Variants in NACC1 observed in about 807,000 individuals in gnomAD.
NACC1 encodes the protein nucleus accumbens associated 1, also known as nucleus accumbens-associated protein 1.
A neutral mutation model predicts 41.7 loss-of-function variants in NACC1; 6 were observed. The ratio of observed to expected loss-of-function variants is 0.14; its 90% CI spans 0.08 to 0.28. NACC1 has a LOEUF of 0.28. Among genes scored for constraint, NACC1 ranks in the 10% least tolerant of loss-of-function variants. The pLI is 1.00. For synonymous variants in NACC1, 338 were observed against 330.6 expected (o/e 1.02, Z -0.24); for missense variants, 434 against 763.7 (o/e 0.57, Z 5.09).
At chr19:13,125,249 T>A (rs2019547252) in intron 1 of NACC1, among the ~76,000 whole-genome samples, 2 of 152,106 alleles carry the variant, frequency 1.3e-5, no homozygotes, top group African/African-American at 4.8e-5. Flanking sequence ...ATCACGGTGC[T>A]AGCAGATTCC....
rs2019512567 is a variant in NACC1, at chr19:13,122,591, CAG to C, written c.-9+4138_-9+4139del. ...GCCAGGGATGCGGTTCAACATCAGA[CAG>C]TGTGTAGGGCAGCCCCCACCACAAA... On this transcript the variant is annotated intron_variant, in intron 1 of 5. Coordinates refer to ENST00000292431, the MANE Select transcript of NACC1 (RefSeq NM_052876.4). Among the ~76,000 whole-genome samples, 5 of 148,588 alleles carry C rather than the reference CAG, an allele frequency of 3.4e-5. 1 individual carries two copies. The South Asian group carries it at 1.0e-3, about 31-fold the overall frequency.
chr19:13,121,300 A>G (rs2019488702), intron 1 of NACC1, among the ~76,000 whole-genome samples: 1 of 152,020 alleles, frequency 6.6e-6, no homozygotes, highest in Non-Finnish European at 1.5e-5. Context: ...TGCTCTAAAC[A>G]TTTTGTCTTC....
At chr19:13,124,715 TAC>T (rs1273381435) in intron 1 of NACC1, among the ~76,000 whole-genome samples, 7 of 152,186 alleles carry the variant, frequency 4.6e-5, no homozygotes, top group African/African-American at 1.7e-4. Context: ...TGTTCCTTGT[TAC>T]ACTTGGAGTT....
chr19:13,136,330 A>G lies in NACC1; in HGVS notation c.1045A>G (p.Asn349Asp). The G allele has an allele frequency of 6.2e-7, 1 of 1,613,966 alleles. No homozygotes were observed. ...DLASLPAELINQIGNRCHPKL... is the reference protein window; with the variant it reads ...DLASLPAELIDQIGNRCHPKL... ...GGCGTCTCTCCCGGCTGAACTTATC[A>G]ACCAGATTGGGAACCGCTGCCACCC... The change falls in exon 3 of 6, where the codon AAC (asparagine) becomes GAC (aspartate). Residue 349 changes from asparagine to aspartate, a missense_variant. Transcript: ENST00000292431. This position sits in a 1 kb window ranked among gnomAD's most constrained non-coding sequence, Gnocchi z 5.5.
intron 1 of NACC1, among the ~76,000 whole-genome samples, chr19:13,133,066 A>T (rs1243113378): frequency 6.6e-6 from 1 of 152,126 alleles, no homozygotes; most frequent in African/African-American, 2.4e-5. Context: ...GGCAGATCTG[A>T]GTGGAGTTGC....
rs1181051421 is a variant in NACC1 at position 13,138,428 on chromosome 19, C to A, written c.*22C>A. The A allele has an allele frequency of 1.2e-6, 2 of 1,602,970 alleles. No homozygotes were observed. The highest frequency in any genetic ancestry group is 8.5e-7 in the Non-Finnish European group (1 of 1,178,178). ...GTAACCCGCCCAGCCTCCCGCGGGG[C>A]CACACACTTCCCCTCCCAACACACA... is the stretch of plus-strand genomic sequence containing the variant. On this transcript the variant is annotated 3_prime_UTR_variant, in exon 6 of 6. Transcript: ENST00000292431. The surrounding 1 kb of genome is among the most constrained non-coding windows in gnomAD (Gnocchi z 5.7).
intron 1 of NACC1, among the ~76,000 whole-genome samples, chr19:13,120,082 TCTG>T (rs2019469923): frequency 6.6e-6 from 1 of 152,144 alleles, no homozygotes; most frequent in Non-Finnish European, 1.5e-5. Context: ...GGCCTTCCCT[TCTG>T]CTCACCCCGG....
chr19:13,137,433 A>G lies in NACC1; in HGVS notation c.1227-45A>G. 1 of 1,605,514 alleles carries G rather than the reference A, an allele frequency of 6.2e-7. No individual in the cohort carries two copies. The highest frequency in any genetic ancestry group is 8.5e-7 in the Non-Finnish European group (1 of 1,173,438). ...GGTGGGGTTTCCCCATGTCCCCCCC[A>G]CCACCAACTTGAGCGCTGACTCCCT... On this transcript the variant is annotated intron_variant, in intron 4 of 5. Coordinates refer to ENST00000292431, the MANE Select transcript of NACC1 (RefSeq NM_052876.4). The surrounding 1 kb of genome is among the most constrained non-coding windows in gnomAD (Gnocchi z 6.1).
At chr19:13,134,144 C>T (rs543360530) in intron 1 of NACC1, among the ~76,000 whole-genome samples, 1 of 152,228 alleles carries the variant, frequency 6.6e-6, no homozygotes, top group African/African-American at 2.4e-5. Context: ...CAGCCTTGAC[C>T]TGGGCTCAAC....
At chr19:13,133,355 CA>C (rs1194181675) in intron 1 of NACC1, among the ~76,000 whole-genome samples, 180 of 140,730 alleles carry the variant, frequency 1.3e-3, no homozygotes, top group East Asian at 1.2e-3. Context: ...GACTCCATCT[CA>C]AAAAAAAAAA....
rs1345058370 is a variant in NACC1, at chr19:13,136,004, C to T, written c.797C>T (p.Thr266Ile). 1 of 1,613,316 alleles carries T rather than the reference C, an allele frequency of 6.2e-7. No individual in the cohort carries two copies. The highest frequency in any genetic ancestry group is 8.5e-7 in the Non-Finnish European group (1 of 1,179,798). Residue 266 changes from threonine (T) to isoleucine (I), a missense_variant, in exon 2 of 6, where the codon ACC (threonine) becomes ATC (isoleucine). Thr to Ile is a moderately conservative substitution (Grantham distance 89, BLOSUM62 -1). This residue lies in a region of NACC1 where 234 missense variants were observed against 308.3 expected (regional missense o/e 0.76). Transcript: ENST00000292431. This position sits in a 1 kb window ranked among gnomAD's most constrained non-coding sequence, Gnocchi z 5.5. ...ACGTCGGAGCGGACCAGCCCAGGCA[C>T]CTCAAGCGCCTACACCAGCGACAGC... Reference protein sequence around the residue: ...PSTSERTSPGTSSAYTSDSPG... With the variant: ...PSTSERTSPGISSAYTSDSPG...
At chr19:13,134,611 C>T (rs1349469576) in intron 1 of NACC1, among the ~76,000 whole-genome samples, 3 of 152,132 alleles carry the variant, frequency 2.0e-5, no homozygotes, top group Non-Finnish European at 4.4e-5. Flanking sequence ...TCAAGTGATC[C>T]GCCTGCCTCA....
intron 1 of NACC1, among the ~76,000 whole-genome samples, chr19:13,126,643 C>T (rs1284647989): frequency 6.6e-6 from 1 of 152,142 alleles, no homozygotes; most frequent in East Asian, 1.9e-4. Context: ...TCAGGTAACA[C>T]TGCGGTCTCA....
chr19:13,138,125 C>T lies in NACC1; in HGVS notation c.1325-22C>T, dbSNP rs374058040. ...GAGTCACCTGGCCCCCGTGCCAAGG[C>T]CGCACCCACCCTGCCCCACAGACTA... On this transcript the variant is annotated intron_variant, in intron 5 of 5. Coordinates refer to ENST00000292431, the MANE Select transcript of NACC1 (RefSeq NM_052876.4). The surrounding 1 kb of genome is among the most constrained non-coding windows in gnomAD (Gnocchi z 5.7). 2 of 1,609,788 alleles carry T rather than the reference C, an allele frequency of 1.2e-6. No individual in the cohort carries two copies. Among genetic ancestry groups the T allele is most frequent in the Admixed American group, 1.7e-5 (1 of 59,916 alleles).
At position 13,138,330 on chromosome 19, in the gene NACC1, T is replaced by C. The variant is rs1040312439; in HGVS notation, c.1508T>C (p.Met503Thr). Residue 503 changes from methionine (M) to threonine (T), a missense_variant, in exon 6 of 6, where the codon ATG becomes ACG. Transcript: ENST00000292431. This position sits in a 1 kb window ranked among gnomAD's most constrained non-coding sequence, Gnocchi z 5.7. ...GAAACGGGCAAGATCGAGCCGGACA[T>C]GATGGGTGTGGAGCATGGCTTCGAG... The part of the protein sequence containing the change: ...ISETGKIEPD[M>T]MGVEHGFETA... The C allele has an allele frequency of 1.2e-6, 2 of 1,613,820 alleles. No homozygotes were observed. The highest frequency in any genetic ancestry group is 1.7e-6 in the Non-Finnish European group (2 of 1,180,022).
In NACC1 at chr19:13,135,495, C is replaced by T. The variant is rs554280323; in HGVS notation, c.288C>T (p.Asp96=). 2 of 1,613,768 alleles carry T rather than the reference C, an allele frequency of 1.2e-6. No individual in the cohort carries two copies. The highest frequency in any genetic ancestry group is 3.3e-5 in the Admixed American group (2 of 60,030). Residue 96 remains aspartate (D), a synonymous_variant, in exon 2 of 6, where the codon GAC becomes GAT. Transcript: ENST00000292431. ...GCCGGCTGAGCATGAACGTGGGCGA[C>T]CAGTTCCTGCTCATGTACACGGCTG... ...YTGRLSMNVG[D]QFLLMYTAGF... is the part of the protein sequence containing the mutation.
At position 13,138,635 on chromosome 19, in the gene NACC1, T is replaced by A. The variant is rs565548926; in HGVS notation, c.*229T>A. On this transcript the variant is annotated 3_prime_UTR_variant, in exon 6 of 6. Transcript: ENST00000292431. The surrounding 1 kb of genome is among the most constrained non-coding windows in gnomAD (Gnocchi z 5.7). ...CCGTGTTGCCTTCTTTAACACACAC[T>A]CGTGCAGTGGGGGAGTTCTGGCTCC... The A allele has an allele frequency of 1.7e-6, 1 of 604,756 alleles. No homozygotes were observed. The highest frequency in any genetic ancestry group is 2.9e-6 in the Non-Finnish European group (1 of 348,628). 37.5% of individuals were successfully genotyped at this position (604,756 alleles called of 1,614,324 possible).
At chr19:13,118,965 C>G (rs1461568947) in intron 1 of NACC1, among the ~76,000 whole-genome samples, 1 of 151,622 alleles carries the variant, frequency 6.6e-6, no homozygotes, top group East Asian at 1.9e-4. Context: ...TGAGGAGAAG[C>G]CCAGGAAGTG....
chr19:13,123,382 C>G (rs1293376935), intron 1 of NACC1, among the ~76,000 whole-genome samples: 1 of 152,114 alleles, frequency 6.6e-6, no homozygotes, highest in Non-Finnish European at 1.5e-5. Flanking sequence ...GCCAGGCTCT[C>G]CAAGGAGCTG....
Sources: allele counts gnomAD v4.1 joint callset (sites outside exome capture counted in the v4.1 genomes callset), GRCh38; gene constraint gnomAD v4.1.1; regional missense constraint gnomAD v4.1.1; non-coding constraint Gnocchi (gnomAD v3.1); transcripts MANE v1.5; gene names NCBI Gene and HGNC (gene_info 2026-07-23, HGNC 2026-07-21).